Variants in PPM1E observed in about 807,000 individuals in gnomAD.
The protein encoded by PPM1E is protein phosphatase 1E.
A neutral mutation model predicts 65.9 loss-of-function variants in PPM1E; 20 were observed. The ratio of observed to expected loss-of-function variants is 0.30; its 90% CI spans 0.21 to 0.44. The LOEUF (loss-of-function observed/expected upper bound fraction) is 0.44. Ranked by LOEUF, PPM1E falls within the 20% of genes least tolerant of loss-of-function variation. The pLI, the probability that PPM1E is intolerant of heterozygous loss-of-function variation, is 1.00. For synonymous variants in PPM1E, 352 were observed against 374.9 expected, an observed-to-expected ratio of 0.94 and a Z score of 0.70; for missense variants, 713 against 953.1, an observed-to-expected ratio of 0.75 and a Z score of 3.32.
chr17:58,760,943 T>C (rs1258853857), intron 1 of PPM1E, among the ~76,000 whole-genome samples: 1 of 152,180 alleles, frequency 6.6e-6, no homozygotes, highest in Non-Finnish European at 1.5e-5. Context: ...GTTGCAGATA[T>C]GAAACTTCCA....
chr17:58,944,482 T>G (rs919508138), intron 1 of PPM1E, among the ~76,000 whole-genome samples: 7 of 152,090 alleles, frequency 4.6e-5, no homozygotes, highest in African/African-American at 1.7e-4. Context: ...TAGCAGTCAC[T>G]CCTCATTCCC....
intron 1 of PPM1E, among the ~76,000 whole-genome samples, chr17:58,774,281 A>G (rs1447711399): frequency 6.6e-6 from 1 of 152,108 alleles, no homozygotes; most frequent in Non-Finnish European, 1.5e-5. Context: ...GGACAGATGT[A>G]TATCTTGGTA....
intron 1 of PPM1E, among the ~76,000 whole-genome samples, chr17:58,925,382 G>A (rs2051811265): frequency 6.6e-6 from 1 of 151,684 alleles, no homozygotes; most frequent in Non-Finnish European, 1.5e-5. Flanking sequence ...GTCTTCCTTT[G>A]AGAAGTGTTT....
intron 1 of PPM1E, among the ~76,000 whole-genome samples, chr17:58,852,327 AC>A (rs2050835096): frequency 6.6e-6 from 1 of 151,974 alleles, no homozygotes; most frequent in Non-Finnish European, 1.5e-5. Context: ...TGCAGAAATC[AC>A]CCGTCTTCTG....
intron 1 of PPM1E, among the ~76,000 whole-genome samples, chr17:58,934,085 A>G (rs936870441): frequency 2.5e-5 from 3 of 118,914 alleles, no homozygotes; most frequent in African/African-American, 9.6e-5. Flanking sequence ...AAGACTTCGT[A>G]TCAAAAAAAA....
chr17:58,938,456 A>G (rs1266461845), intron 1 of PPM1E, among the ~76,000 whole-genome samples: 2 of 152,210 alleles, frequency 1.3e-5, no homozygotes, highest in Admixed American at 6.5e-5. Flanking sequence ...TTCAGGCTCC[A>G]AAGTCAATAG....
chr17:58,867,127 T>A (rs1455671656), intron 1 of PPM1E, among the ~76,000 whole-genome samples: 1 of 152,160 alleles, frequency 6.6e-6, no homozygotes, highest in Non-Finnish European at 1.5e-5. Context: ...ATTACAGGCA[T>A]GTGCCGCCAC....
intron 1 of PPM1E, among the ~76,000 whole-genome samples, chr17:58,882,052 T>C (rs2051201615): frequency 6.7e-6 from 1 of 149,516 alleles, no homozygotes; most frequent in Non-Finnish European, 1.5e-5. Flanking sequence ...GTGCCTGTAG[T>C]CCCAGCTATT....
intron 1 of PPM1E, among the ~76,000 whole-genome samples, chr17:58,950,598 A>G (rs977969544): frequency 6.6e-6 from 1 of 151,916 alleles, no homozygotes; most frequent in South Asian, 2.1e-4. Context: ...TAAATCCTAT[A>G]TGCTGTTTTC....
chr17:58,960,420 A>G (rs1567889573), intron 2 of PPM1E, among the ~76,000 whole-genome samples: 2 of 152,202 alleles, frequency 1.3e-5, no homozygotes, highest in Non-Finnish European at 2.9e-5. Flanking sequence ...GTTTCAGAGT[A>G]AAGAAAGAAG....
chr17:58,945,161 T>C (rs1397751565), intron 1 of PPM1E, among the ~76,000 whole-genome samples: 5 of 151,934 alleles, frequency 3.3e-5, no homozygotes, highest in Admixed American at 6.5e-5. Flanking sequence ...TTTTTTTTTT[T>C]CGAGACTGAG....
chr17:58,816,894 C>T (rs1435658963), intron 1 of PPM1E, among the ~76,000 whole-genome samples: 4 of 149,570 alleles, frequency 2.7e-5, no homozygotes, highest in East Asian at 2.0e-4. Context: ...CTCCCAGGCC[C>T]GAGTGATCCT....
At chr17:58,834,461 A>T (rs2050634364) in intron 1 of PPM1E, among the ~76,000 whole-genome samples, 1 of 152,152 alleles carries the variant, frequency 6.6e-6, no homozygotes, top group Non-Finnish European at 1.5e-5. Flanking sequence ...ATATCTAAGA[A>T]CATTTTCCCT....
intron 1 of PPM1E, among the ~76,000 whole-genome samples, chr17:58,855,227 T>G (rs142295772): frequency 1.3e-5 from 2 of 152,322 alleles, no homozygotes; most frequent in African/African-American, 2.4e-5. Flanking sequence ...AGGTCTCCCC[T>G]AAGGAGAAAT....
intron 1 of PPM1E, among the ~76,000 whole-genome samples, chr17:58,758,356 C>T (rs1159390787): frequency 6.6e-6 from 1 of 151,746 alleles, no homozygotes; most frequent in Non-Finnish European, 1.5e-5. Flanking sequence ...GGTGAAACTG[C>T]GTCTCTACTA....
chr17:58,894,615 C>A (rs761913352), intron 1 of PPM1E, among the ~76,000 whole-genome samples: 1 of 152,092 alleles, frequency 6.6e-6, no homozygotes, highest in Admixed American at 6.6e-5. Context: ...TCTTAGGGAC[C>A]CATAGGGCTC....
At chr17:58,758,632 A>G (rs2049792896) in intron 1 of PPM1E, among the ~76,000 whole-genome samples, 1 of 152,218 alleles carries the variant, frequency 6.6e-6, no homozygotes. Flanking sequence ...TTGAAATAAA[A>G]CTAGCAAAAT....
chr17:58,877,228 A>G (rs1240655803), intron 1 of PPM1E, among the ~76,000 whole-genome samples: 2 of 152,264 alleles, frequency 1.3e-5, no homozygotes, highest in African/African-American at 4.8e-5. Context: ...CAACATAGGT[A>G]GCCTTGGTAC....
chr17:58,833,456 A>C (rs745941883), intron 1 of PPM1E, among the ~76,000 whole-genome samples: 1 of 151,382 alleles, frequency 6.6e-6, no homozygotes, highest in Non-Finnish European at 1.5e-5. Flanking sequence ...TTTAGCTCCC[A>C]CTTATAAGTG....
Sources: gnomAD v4.1 joint callset for allele counts (sites outside exome capture counted in the v4.1 genomes callset) on GRCh38, gnomAD v4.1.1 for gene constraint, MANE v1.5 for transcripts, NCBI Gene and HGNC (gene_info 2026-07-23, HGNC 2026-07-21) for gene names.